SNED1: variants seen among roughly 807,000 people sequenced by gnomAD.
The protein encoded by SNED1 is sushi, nidogen and EGF like domains 1, also known as sushi, nidogen and EGF-like domain-containing protein 1.
Under a neutral mutation model 166.7 loss-of-function variants are expected in SNED1, and 81 were observed. The observed-to-expected ratio is 0.49, with a 90% CI of 0.41 to 0.58. The LOEUF (loss-of-function observed/expected upper bound fraction) is 0.58. Among genes scored for constraint, SNED1 ranks in the 20% least tolerant of loss-of-function variants. The pLI is 0.00. For synonymous variants in SNED1, 762 were observed against 822.0 expected, an observed-to-expected ratio of 0.93 and a Z score of 1.25; for missense variants, 1,604 against 2,000.2, an observed-to-expected ratio of 0.80 and a Z score of 3.78.
In SNED1 at chr2:241,069,430, G is replaced by T. The variant is rs981879585; in HGVS notation, c.3307+407G>T. Reference sequence around the variant, plus strand: ...CACCCCCTCCCCAGTGCATGGGAGGGGTGACAGCATGGACAGTCAGCGCGC... The same window carrying T: ...CACCCCCTCCCCAGTGCATGGGAGGTGTGACAGCATGGACAGTCAGCGCGC... On this transcript the variant is annotated intron_variant, in intron 23 of 31. Coordinates refer to ENST00000310397, the MANE Select transcript of SNED1 (RefSeq NM_001080437.3). The surrounding 1 kb of genome is among the most constrained non-coding windows in gnomAD (Gnocchi z 4.9). Among the ~76,000 whole-genome samples, 1 of 152,122 alleles carries T rather than the reference G, an allele frequency of 6.6e-6. No homozygotes were observed. The highest frequency in any genetic ancestry group is 2.1e-4 in the South Asian group (1 of 4,832).
Position 241,062,787 on chromosome 2 carries a change from T to C in SNED1, c.2258-4T>C. The C allele has an allele frequency of 6.2e-7, 1 of 1,603,102 alleles. No individual in the cohort carries two copies. The highest frequency in any genetic ancestry group is 2.2e-5 in the East Asian group (1 of 44,662). ...TGCTTTATTCTTGGGCTCTCTCCTC[T>C]CAGAAATCGATGAGTGCCGGTCTCA... On this transcript the variant is annotated splice_polypyrimidine_tract_variant and splice_region_variant and intron_variant, in intron 16 of 31. Coordinates refer to ENST00000310397, the MANE Select transcript of SNED1 (RefSeq NM_001080437.3).
chr2:241,082,409 TC>T (rs1235796387), intron 29 of SNED1, 45 bp downstream of exon 29: 7 of 1,462,832 alleles, frequency 4.8e-6, no homozygotes, highest in Admixed American at 3.4e-5. Context: ...TGTCGTGTGT[TC>T]TTGACTCCTC....
rs1190356661 is a variant in SNED1, at chr2:240,999,634, G to A, written c.213+584G>A. 6.6e-6 allele frequency among the ~76,000 whole-genome samples: 1 copy of A among 152,166 alleles called. No homozygotes were observed. The highest frequency in any genetic ancestry group is 1.5e-5 in the Non-Finnish European group (1 of 68,008). Reference sequence around the variant, plus strand: ...TCCCTGCCGTCCTCTCCGCAGTCTGGGGGCTGGCCGCTCAGGCTCAGACTC... The same window carrying A: ...TCCCTGCCGTCCTCTCCGCAGTCTGAGGGCTGGCCGCTCAGGCTCAGACTC... On this transcript the variant is annotated intron_variant, in intron 1 of 31. Coordinates refer to ENST00000310397, the MANE Select transcript of SNED1 (RefSeq NM_001080437.3). The surrounding 1 kb of genome is among the most constrained non-coding windows in gnomAD (Gnocchi z 5.8).
At chr2:241,022,365 A>T (rs2060800071) in intron 1 of SNED1, among the ~76,000 whole-genome samples, 1 of 152,232 alleles carries the variant, frequency 6.6e-6, no homozygotes, top group Non-Finnish European at 1.5e-5. Flanking sequence ...TTTAGCTCTT[A>T]CATTAGGTCT....
intron 24 of SNED1, among the ~76,000 whole-genome samples, chr2:241,070,825 AAG>A (rs2062673517): frequency 6.6e-6 from 1 of 152,214 alleles, no homozygotes; most frequent in Non-Finnish European, 1.5e-5. Context: ...GGAGAGAAGA[AAG>A]AGACGGAGAC....
intron 16 of SNED1, 29 bp from the exon 17 acceptor site, chr2:241,062,762 T>G: frequency 6.6e-7 from 1 of 1,509,058 alleles, no homozygotes; most frequent in East Asian, 2.3e-5. Flanking sequence ...GTGGCCACAT[T>G]GCTTTATTCT....
intron 21 of SNED1, among the ~76,000 whole-genome samples, chr2:241,067,124 C>T (rs1183177575): frequency 6.6e-6 from 1 of 152,214 alleles, no homozygotes; most frequent in Non-Finnish European, 1.5e-5. Flanking sequence ...AGAGCCCGCC[C>T]TGCCCGCTGC....
intron 2 of SNED1, 37 bp downstream of exon 2, chr2:241,030,608 G>A (rs761771228): frequency 2.5e-6 from 4 of 1,602,546 alleles, no homozygotes; most frequent in Non-Finnish European, 3.4e-6. Context: ...GGGTGGGTGT[G>A]TGGCTAGGGC....
intron 31 of SNED1, chr2:241,090,022 A>G: frequency 6.5e-7 from 1 of 1,548,064 alleles, no homozygotes; most frequent in Admixed American, 2.0e-5. Flanking sequence ...CAGGACTGGC[A>G]GTTGCACAAT....
chr2:240,998,935 C>T lies in SNED1; in HGVS notation c.98C>T (p.Pro33Leu). Residue 33 changes from proline (P) to leucine (L), a missense_variant, in exon 1 of 32, where the codon CCG becomes CTG. Coordinates refer to ENST00000310397, the MANE Select transcript of SNED1 (RefSeq NM_001080437.3). ...GCGGTGGCCCTTGCCGACTTCTACC[C>T]GTTCGGCGCCGAGCGCGGCGACGCC... is the stretch of plus-strand genomic sequence containing the variant. ...RGAVALADFY[P>L]FGAERGDAVT... The T allele has an allele frequency of 2.3e-6, 3 of 1,279,696 alleles. No individual in the cohort carries two copies. Among genetic ancestry groups the T allele is most frequent in the African/African-American group, 1.6e-5 (1 of 63,696 alleles). 79.3% of individuals were successfully genotyped at this position (1,279,696 alleles called of 1,614,324 possible).
intron 5 of SNED1, 101 bp from the exon 6 acceptor site, chr2:241,037,139 C>T: frequency 2.7e-6 from 3 of 1,121,242 alleles, no homozygotes; most frequent in South Asian, 1.4e-5. Flanking sequence ...GAGCCAATCT[C>T]GGGCTTGCTC....
intron 16 of SNED1, among the ~76,000 whole-genome samples, chr2:241,057,377 C>CAAAAAAAAAA (rs1177179331): frequency 2.7e-5 from 2 of 75,120 alleles, no homozygotes; most frequent in African/African-American, 1.8e-4. Context: ...AACTCCATCT[C>CAAAAAAAAAA]AAAATATATA....
chr2:241,032,171 G>A (rs978719342), intron 2 of SNED1, among the ~76,000 whole-genome samples: 5 of 152,058 alleles, frequency 3.3e-5, no homozygotes, highest in Admixed American at 6.6e-5. Flanking sequence ...CCAACATGAC[G>A]AACTCCCCTC....
chr2:241,012,825 C>CTTTTTTTTTTTT (rs59199140), intron 1 of SNED1, among the ~76,000 whole-genome samples: 3 of 134,868 alleles, frequency 2.2e-5, no homozygotes, highest in Non-Finnish European at 3.2e-5. Flanking sequence ...TTTTTTTTTT[C>CTTTTTTTTTTTT]TTTTTTTTTT....
intron 16 of SNED1, among the ~76,000 whole-genome samples, chr2:241,058,230 C>T (rs757402624): frequency 7.9e-5 from 12 of 152,068 alleles, no homozygotes; most frequent in Non-Finnish European, 1.3e-4. Context: ...GTTCCGTTCA[C>T]GAAGAAGATA....
At chr2:241,040,972 G>C (rs1039735383) in intron 8 of SNED1, 29 of 400,886 alleles carry the variant, frequency 7.2e-5, no homozygotes, top group African/African-American at 5.9e-4. Flanking sequence ...TGTTGCACCT[G>C]CCTCCAGAGG....
At chr2:241,083,279 A>G (rs945733786) in intron 29 of SNED1, among the ~76,000 whole-genome samples, 1 of 152,074 alleles carries the variant, frequency 6.6e-6, no homozygotes, top group Non-Finnish European at 1.5e-5. Context: ...CCAAGTCAGG[A>G]GTGTCCCTGG....
At chr2:241,019,503 G>A (rs906970611) in intron 1 of SNED1, among the ~76,000 whole-genome samples, 8 of 152,200 alleles carry the variant, frequency 5.3e-5, no homozygotes, top group Admixed American at 2.0e-4. Flanking sequence ...AGGGGCAGGC[G>A]TGCCCCACAG....
intron 27 of SNED1, among the ~76,000 whole-genome samples, chr2:241,078,962 A>AAAT (rs2063185220): frequency 6.6e-6 from 1 of 151,490 alleles, no homozygotes; most frequent in Non-Finnish European, 1.5e-5. Context: ...AAAAATACAA[A>AAAT]AATTAGCCAG....
Sources: gnomAD v4.1 joint callset for allele counts (sites outside exome capture counted in the v4.1 genomes callset) on GRCh38, gnomAD v4.1.1 for gene constraint, Gnocchi (gnomAD v3.1) non-coding constraint, MANE v1.5 for transcripts, NCBI Gene and HGNC (gene_info 2026-07-23, HGNC 2026-07-21) for gene names.